Variants in ZFAND3 observed in about 807,000 individuals in gnomAD.
ZFAND3 encodes the protein zinc finger AN1-type containing 3.
In ZFAND3, 10 loss-of-function variants were observed where a neutral mutation model predicts 29.6. The ratio of observed to expected loss-of-function variants is 0.34; its 90% CI spans 0.21 to 0.57. The LOEUF (loss-of-function observed/expected upper bound fraction) is 0.57. ZFAND3 is among the 20% of genes least tolerant of loss of function. The pLI is 0.86. For synonymous variants in ZFAND3, 128 were observed against 112.6 expected (o/e 1.14, Z -0.87); for missense variants, 230 against 304.5 (o/e 0.76, Z 1.82).
At chr6:38,117,416 G>A (rs1296168926) in intron 5 of ZFAND3, among the ~76,000 whole-genome samples, 1 of 151,928 alleles carries the variant, frequency 6.6e-6, no homozygotes, top group Non-Finnish European at 1.5e-5. Flanking sequence ...TTTTAGAATT[G>A]CTGCACAGGG....
chr6:38,023,410 T>G (rs975226527), intron 2 of ZFAND3, among the ~76,000 whole-genome samples: 2 of 151,160 alleles, frequency 1.3e-5, no homozygotes, highest in African/African-American at 4.9e-5. Flanking sequence ...TAAAAAGATT[T>G]GAGAGATCAA....
At chr6:38,115,910 C>G (rs1298579594) in intron 4 of ZFAND3, among the ~76,000 whole-genome samples, 1 of 152,196 alleles carries the variant, frequency 6.6e-6, no homozygotes, top group African/African-American at 2.4e-5. Flanking sequence ...GCTGCTGCTG[C>G]TGCACCACCC....
chr6:37,943,886 A>T (rs965789406), intron 2 of ZFAND3, among the ~76,000 whole-genome samples: 8 of 152,206 alleles, frequency 5.3e-5, no homozygotes, highest in Non-Finnish European at 4.4e-5. Flanking sequence ...TGCATACTTC[A>T]ACCTCAGTTT....
At chr6:38,035,067 C>T (rs187486675) in intron 2 of ZFAND3, among the ~76,000 whole-genome samples, 35 of 150,384 alleles carry the variant, frequency 2.3e-4, no homozygotes, top group Admixed American at 7.3e-4. Context: ...GTTGAGCTTT[C>T]GGGGTTCATA....
At chr6:37,981,481 T>G (rs1013296551) in intron 2 of ZFAND3, among the ~76,000 whole-genome samples, 105 of 152,314 alleles carry the variant, frequency 6.9e-4, no homozygotes, top group African/African-American at 2.5e-3. Context: ...TAGTGAGATC[T>G]TAGGGTATTG....
chr6:38,011,908 G>A (rs1033325168), intron 2 of ZFAND3, among the ~76,000 whole-genome samples: 9 of 152,156 alleles, frequency 5.9e-5, no homozygotes, highest in Non-Finnish European at 7.3e-5. Flanking sequence ...TAAAGAATAC[G>A]TAGCTATATT....
intron 5 of ZFAND3, among the ~76,000 whole-genome samples, chr6:38,127,039 A>G (rs1219131222): frequency 6.6e-6 from 1 of 152,092 alleles, no homozygotes; most frequent in Non-Finnish European, 1.5e-5. Flanking sequence ...TACATCCATG[A>G]TCATGTCATC....
intron 1 of ZFAND3, among the ~76,000 whole-genome samples, chr6:37,896,013 C>G (rs1469321523): frequency 6.6e-6 from 1 of 152,138 alleles, no homozygotes; most frequent in Non-Finnish European, 1.5e-5. Context: ...CATTTGTTCC[C>G]TCTAGTTATT....
chr6:38,015,546 T>C (rs751252754), intron 2 of ZFAND3, among the ~76,000 whole-genome samples: 7 of 152,164 alleles, frequency 4.6e-5, no homozygotes, highest in Non-Finnish European at 7.4e-5. Flanking sequence ...ACAAGCCAAC[T>C]CTCCAGCAGC....
chr6:38,050,355 C>T (rs985287160), intron 2 of ZFAND3, among the ~76,000 whole-genome samples: 1 of 152,064 alleles, frequency 6.6e-6, no homozygotes, highest in Admixed American at 6.5e-5. Flanking sequence ...AGCAATCCTC[C>T]TACCTCAGCC....
chr6:37,937,872 T>C (rs1264051739), intron 2 of ZFAND3, among the ~76,000 whole-genome samples: 2 of 152,206 alleles, frequency 1.3e-5, no homozygotes, highest in Non-Finnish European at 2.9e-5. Context: ...CTTACCAGGC[T>C]CTTCTTAACC....
intron 2 of ZFAND3, among the ~76,000 whole-genome samples, chr6:38,014,018 G>A (rs1164174490): frequency 1.3e-5 from 2 of 152,124 alleles, no homozygotes; most frequent in Non-Finnish European, 2.9e-5. Context: ...GCTTATTTAA[G>A]CCCAGGTATT....
chr6:37,978,843 T>G (rs1762532725), intron 2 of ZFAND3, among the ~76,000 whole-genome samples: 1 of 152,216 alleles, frequency 6.6e-6, no homozygotes, highest in South Asian at 2.1e-4. Context: ...TTTTGTATTT[T>G]TAGTAGAGAT....
intron 4 of ZFAND3, among the ~76,000 whole-genome samples, chr6:38,103,467 G>A (rs1382796147): frequency 8.3e-6 from 1 of 120,088 alleles, no homozygotes; most frequent in Non-Finnish European, 1.7e-5. Flanking sequence ...ATATATACAC[G>A]TGTATATATA....
chr6:38,043,080 AGT>A (rs1763822568), intron 2 of ZFAND3, among the ~76,000 whole-genome samples: 2 of 152,326 alleles, frequency 1.3e-5, no homozygotes, highest in Admixed American at 1.3e-4. Flanking sequence ...TATACACATA[AGT>A]GTGCATAATA....
intron 2 of ZFAND3, among the ~76,000 whole-genome samples, chr6:38,040,654 C>G (rs1476873402): frequency 2.6e-5 from 4 of 152,074 alleles, no homozygotes; most frequent in Non-Finnish European, 4.4e-5. Flanking sequence ...TATACAGATT[C>G]GGGAGTTGTT....
At chr6:37,827,162 C>T (rs1489327068) in intron 1 of ZFAND3, among the ~76,000 whole-genome samples, 1 of 152,180 alleles carries the variant, frequency 6.6e-6, no homozygotes, top group Non-Finnish European at 1.5e-5. Flanking sequence ...AGAAGCAATG[C>T]TATTGTTAAT....
At chr6:37,865,517 G>A (rs1481962467) in intron 1 of ZFAND3, among the ~76,000 whole-genome samples, 2 of 152,204 alleles carry the variant, frequency 1.3e-5, no homozygotes, top group Non-Finnish European at 2.9e-5. Flanking sequence ...TTTAAACTCA[G>A]ATCAAACAAT....
intron 2 of ZFAND3, among the ~76,000 whole-genome samples, chr6:37,943,717 A>G (rs1177508414): frequency 2.6e-5 from 4 of 152,212 alleles, no homozygotes; most frequent in Admixed American, 1.3e-4. Context: ...ATCATGTGAT[A>G]TTAGTAAATG....
Sources: allele counts gnomAD v4.1 joint callset (sites outside exome capture counted in the v4.1 genomes callset), GRCh38; gene constraint gnomAD v4.1.1; transcripts MANE v1.5; gene names NCBI Gene and HGNC (gene_info 2026-07-23, HGNC 2026-07-21).